Variants in MORC4 observed in about 807,000 individuals in gnomAD.
The protein encoded by MORC4 is MORC family CW-type zinc finger 4.
MORC4 carries 22 observed loss-of-function variants against 65.5 expected under a neutral mutation model. The ratio of observed to expected loss-of-function variants is 0.34; its 90% confidence interval spans 0.24 to 0.48. The LOEUF is 0.48. Ranked by LOEUF, MORC4 falls within the 20% of genes least tolerant of loss-of-function variation. The probability of loss-of-function intolerance (pLI) is 0.99; values close to 1 mark genes in which losing one functional copy is unlikely to be tolerated. For synonymous variants in MORC4, 267 were observed against 255.8 expected (o/e 1.04, Z -0.42); for missense variants, 624 against 703.0 (o/e 0.89, Z 1.27).
chrX:106,941,076 T>C lies in MORC4; in HGVS notation c.*403A>G. ...CGAAGGCTGCAAACATGAGTTGTAC[T>C]TGTTAGCTTACCCCAAAATAATACC... On this transcript the variant is annotated 3_prime_UTR_variant, in exon 17 of 17. Transcript: ENST00000355610. The C allele has an allele frequency of 8.1e-6, 1 of 123,854 alleles. No homozygotes were observed. 10.2% of individuals were successfully genotyped at this position (123,854 alleles called of 1,213,427 possible).
chrX:106,970,637 T>C (rs1033082710), intron 9 of MORC4, among the ~76,000 whole-genome samples: 2 of 111,697 alleles, frequency 1.8e-5, no homozygotes, highest in African/African-American at 6.5e-5. Flanking sequence ...GAATACAAAA[T>C]CAATGCGCAA....
chrX:106,960,430 G>C (rs1022830136), intron 10 of MORC4, among the ~76,000 whole-genome samples: 1 of 111,674 alleles, frequency 9.0e-6, no homozygotes, highest in African/African-American at 3.3e-5. Context: ...CAGCAGTTAA[G>C]AACTTAGGTT....
intron 15 of MORC4, 106 bp from the exon 16 acceptor site, chrX:106,942,327 T>C (rs1257493960): frequency 3.0e-6 from 3 of 1,003,010 alleles, no homozygotes; most frequent in Non-Finnish European, 4.0e-6. Context: ...CCTCTACTTA[T>C]GGGCCTTTTC....
intron 3 of MORC4, among the ~76,000 whole-genome samples, chrX:106,987,038 C>T (rs1934883642): frequency 9.0e-6 from 1 of 111,484 alleles, no homozygotes; most frequent in East Asian, 2.8e-4. Flanking sequence ...CTTCCCTCAC[C>T]ATCAATAAAA....
intron 14 of MORC4, among the ~76,000 whole-genome samples, chrX:106,949,576 G>A (rs1012616377): frequency 3.6e-5 from 4 of 112,244 alleles, no homozygotes; most frequent in Admixed American, 1.9e-4. Flanking sequence ...TAGTGACTTC[G>A]CTGAACTGAC....
Position 106,981,465 on chromosome X carries a change from T to A in MORC4, c.687A>T (p.Gly229=), listed in dbSNP as rs771832093. Residue 229 remains glycine (G), a synonymous_variant, in exon 6 of 17, where the codon GGA becomes GGT. Coordinates refer to ENST00000355610, the MANE Select transcript of MORC4 (RefSeq NM_024657.5). ...LIWNIRRNKN[G]KSELDFDTDQ... is the part of the protein sequence containing the mutation. ...CTGTATCAAAGTCCAACTCAGATTT[T>A]CCATTTTTATTTCTGGGGAAAAGAG... 9.2e-6 allele frequency: 11 copies of A among 1,191,943 alleles called. No homozygotes were observed. The highest frequency in any genetic ancestry group is 1.2e-5 in the Non-Finnish European group (11 of 888,035).
At chrX:106,967,585 T>G (rs139339496) in intron 9 of MORC4, among the ~76,000 whole-genome samples, 1 of 112,013 alleles carries the variant, frequency 8.9e-6, no homozygotes, top group African/African-American at 3.2e-5. Context: ...GTTAGACGAA[T>G]GGCTAATTAG....
rs1270869950 is a variant in MORC4, at chrX:106,947,571, TTATATATATATATATATATAA to T, written c.1686-4387_1686-4367del. Among the ~76,000 whole-genome samples the T allele has an allele frequency of 1.1e-3, 82 of 77,942 alleles. No individual in the cohort carries two copies. The South Asian group carries it at 0.045, about 43-fold the overall frequency. The allele number at this position is 77,942 out of a possible 115,157, so 67.7% of individuals were successfully genotyped here. A position where few individuals can be genotyped will look rare whatever the true frequency, so the allele number is the denominator to read the frequency against. Reference sequence around the variant, plus strand: ...CCTGTAGTTAATCTATATATATATATTATATATATATATATATATAATATATATATATATAAAACACACTTT... The same window carrying T: ...CCTGTAGTTAATCTATATATATATATTATATATATATATAAAACACACTTT... On this transcript the variant is annotated intron_variant, in intron 14 of 16. Coordinates refer to ENST00000355610, the MANE Select transcript of MORC4 (RefSeq NM_024657.5).
intron 9 of MORC4, among the ~76,000 whole-genome samples, chrX:106,973,367 T>G (rs747053258): frequency 1.8e-5 from 2 of 112,119 alleles, no homozygotes; most frequent in Non-Finnish European, 3.8e-5. Context: ...CTCAGAGTAT[T>G]GCCCTTATGT....
At chrX:106,985,386 A>G in intron 4 of MORC4, 143 bp from the exon 5 acceptor site, 3 of 388,562 alleles carry the variant, frequency 7.7e-6, no homozygotes, top group Middle Eastern at 7.8e-4. Context: ...AAGGTGAAAA[A>G]TGGAGAAAGG....
Position 106,947,571 on chromosome X carries a change from T to TTATATATATATATATATATATAA in MORC4, c.1686-4367_1686-4366insTTATATATATATATATATATATA, listed in dbSNP as rs764069844. 6.4e-5 allele frequency among the ~76,000 whole-genome samples: 5 copies of TTATATATATATATATATATATAA among 77,941 alleles called. No individual in the cohort carries two copies. In the East Asian group the frequency reaches 1.3e-3, roughly 20 times the overall value. The allele number at this position is 77,941 out of a possible 115,157, so 67.7% of individuals were successfully genotyped here. A position where few individuals can be genotyped will look rare whatever the true frequency, so the allele number is the denominator to read the frequency against. On this transcript the variant is annotated intron_variant, in intron 14 of 16. Transcript: ENST00000355610. ...CCTGTAGTTAATCTATATATATATA[T>TTATATATATATATATATATATAA]TATATATATATATATATATAATATA...
rs765178270 is a variant in MORC4 at position 106,959,517 on chromosome X, GC to G, written c.1257-1054del. Among the ~76,000 whole-genome samples, 133 of 110,896 alleles carry G rather than the reference GC, an allele frequency of 1.2e-3. 4 individuals carry two copies. In the East Asian group the frequency reaches 0.027, roughly 23 times the overall value. Reference sequence around the variant, plus strand: ...TAATTTTCTTAACATCTTAAATTGTGCTTTTTATTTTCTTCTTGTTGTTGTT... The same window carrying G: ...TAATTTTCTTAACATCTTAAATTGTGTTTTTATTTTCTTCTTGTTGTTGTT... On this transcript the variant is annotated intron_variant, in intron 10 of 16. Transcript: ENST00000355610.
At chrX:106,984,974 G>T in intron 5 of MORC4, 122 bp downstream of exon 5, 2 of 590,767 alleles carry the variant, frequency 3.4e-6, no homozygotes, top group African/African-American at 2.3e-5. Flanking sequence ...TTCGAGACCA[G>T]CCTGGGCAAC....
At chrX:106,947,571 T>TTATA (rs764069844) in intron 14 of MORC4, among the ~76,000 whole-genome samples, 4,333 of 77,803 alleles carry the variant, frequency 0.056, 367 homozygotes, top group African/African-American at 0.18. Flanking sequence ...TATATATATA[T>TTATA]TATATATATA....
chrX:106,981,043 A>G, intron 6 of MORC4, 24 bp from the exon 7 acceptor site: 2 of 1,205,369 alleles, frequency 1.7e-6, no homozygotes, highest in Non-Finnish European at 2.2e-6. Context: ...TGGTGAAGGG[A>G]AAGTTATTAT....
In MORC4 at chrX:106,993,341, A is replaced by C; in HGVS notation, c.197T>G (p.Val66Gly). ...ATCTATAAAGACCGTCCTGGCAGAT[A>C]CATCTGGATCTACAGCATTATCTGC... ...ELLDNAVDPD[V>G]SARTVFIDVE... Residue 66 changes from valine (V) to glycine (G), a missense_variant, in exon 3 of 17, where the codon GTA becomes GGA. Val to Gly is a moderately radical substitution (Grantham distance 109). Coordinates refer to ENST00000355610, the MANE Select transcript of MORC4 (RefSeq NM_024657.5). 1 of 1,208,830 alleles carries C rather than the reference A, an allele frequency of 8.3e-7. No individual in the cohort carries two copies. The highest frequency in any genetic ancestry group is 1.1e-6 in the Non-Finnish European group (1 of 893,652).
rs1933673242 is a variant in MORC4, at chrX:106,941,408, GAGAC to G, written c.*67_*70del. ...AGAGAGAGAGAGAGAGAGAGAGAGA[GAGAC>G]GTGAGGGAGGGAGAGAAAAGAGAAC... On this transcript the variant is annotated 3_prime_UTR_variant, in exon 17 of 17. Coordinates refer to ENST00000355610, the MANE Select transcript of MORC4 (RefSeq NM_024657.5). 1.3e-5 allele frequency: 10 copies of G among 753,503 alleles called. No individual in the cohort carries two copies. In the Admixed American group the frequency reaches 1.8e-4, roughly 13 times the overall value. The allele number at this position is 753,503 out of a possible 1,213,427, so 62.1% of individuals were successfully genotyped here. A position where few individuals can be genotyped will look rare whatever the true frequency, so the allele number is the denominator to read the frequency against.
chrX:106,942,278 T>C (rs1474798543), intron 15 of MORC4, 57 bp from the exon 16 acceptor site: 3 of 1,132,080 alleles, frequency 2.6e-6, no homozygotes, highest in African/African-American at 3.7e-5. Context: ...CCAAAAACCG[T>C]TCCTCATATG....
Position 106,954,944 on chromosome X carries a change from G to T in MORC4, c.1654C>A (p.Pro552Thr), listed in dbSNP as rs748424034. The change falls in exon 14 of 17, where the codon CCT becomes ACT. Residue 552 changes from proline (P) to threonine (T), a missense_variant. Transcript: ENST00000355610. The stretch of plus-strand genomic sequence containing the variant: ...AACTGTAAAACACTGGAATCCAGAG[G>T]CTTAAGTTGAAGAGATGGTGATCTG... ...ESRSPSLQLK[P>T]LDSSVLQFSS... The T allele has an allele frequency of 8.3e-7, 1 of 1,209,958 alleles. No individual in the cohort carries two copies. Among genetic ancestry groups the T allele is most frequent in the South Asian group, 1.8e-5 (1 of 56,317 alleles).
Sources: gnomAD v4.1 joint callset for allele counts (sites outside exome capture counted in the v4.1 genomes callset) on GRCh38, gnomAD v4.1.1 for gene constraint, MANE v1.5 for transcripts, NCBI Gene and HGNC (gene_info 2026-07-23, HGNC 2026-07-21) for gene names.